SEMA3C: variants seen among roughly 807,000 people sequenced by gnomAD.
SEMA3C encodes semaphorin 3C, also known as semaphorin-3C.
A neutral mutation model predicts 89.4 loss-of-function variants in SEMA3C; 47 were observed. The ratio of observed to expected loss-of-function variants is 0.53; its 90% confidence interval spans 0.42 to 0.67. SEMA3C has a LOEUF of 0.67. Ranked by LOEUF, SEMA3C falls within the 30% of genes least tolerant of loss-of-function variation. The pLI is 0.00. For missense variants in SEMA3C, 839 were observed against 929.1 expected, an observed-to-expected ratio of 0.90 and a Z score of 1.26; for synonymous variants, 310 against 320.2, an observed-to-expected ratio of 0.97 and a Z score of 0.34.
chr7:80,794,369 T>C (rs1262219706), intron 11 of SEMA3C, among the ~76,000 whole-genome samples: 5 of 152,100 alleles, frequency 3.3e-5, no homozygotes, highest in Admixed American at 3.3e-4. Flanking sequence ...TTTTGAATAA[T>C]GATGTGAGAC....
At chr7:80,913,921 C>T (rs1248661597) in intron 2 of SEMA3C, among the ~76,000 whole-genome samples, 5 of 152,142 alleles carry the variant, frequency 3.3e-5, no homozygotes, top group African/African-American at 4.8e-5. Flanking sequence ...GCCTATGATG[C>T]TTATTGCACC....
At chr7:80,797,610 G>A (rs1264665859) in intron 11 of SEMA3C, among the ~76,000 whole-genome samples, 1 of 152,114 alleles carries the variant, frequency 6.6e-6, no homozygotes, top group Non-Finnish European at 1.5e-5. Flanking sequence ...TGAGATATAT[G>A]TAACACAATT....
At chr7:80,898,195 G>A (rs1791785545) in intron 2 of SEMA3C, among the ~76,000 whole-genome samples, 1 of 151,766 alleles carries the variant, frequency 6.6e-6, no homozygotes, top group African/African-American at 2.4e-5. Flanking sequence ...TGAACCCCGC[G>A]TGCCGACGAA....
At chr7:80,868,440 G>C (rs1272060727) in intron 2 of SEMA3C, among the ~76,000 whole-genome samples, 2 of 151,746 alleles carry the variant, frequency 1.3e-5, no homozygotes. Context: ...ACTAATTTTT[G>C]TATTTTTTGG....
intron 17 of SEMA3C, among the ~76,000 whole-genome samples, 176 bp from the exon 18 acceptor site, chr7:80,745,483 T>TG (rs1052672979): frequency 6.6e-6 from 1 of 151,466 alleles, no homozygotes; most frequent in African/African-American, 2.4e-5. Context: ...CTTTTTTTTT[T>TG]TAAACATGGG....
intron 15 of SEMA3C, among the ~76,000 whole-genome samples, chr7:80,757,985 ATAAAAT>A: frequency 6.6e-6 from 1 of 152,138 alleles, no homozygotes; most frequent in Admixed American, 6.5e-5. Context: ...TAAATAATAA[ATAAAAT>A]TAAAAAGATA....
chr7:80,823,624 A>G (rs986233277), intron 4 of SEMA3C, among the ~76,000 whole-genome samples: 2 of 152,088 alleles, frequency 1.3e-5, no homozygotes, highest in South Asian at 2.1e-4. Flanking sequence ...AAAAGAAAAT[A>G]TATTTTTTAG....
intron 17 of SEMA3C, among the ~76,000 whole-genome samples, chr7:80,745,892 T>G (rs1188447368): frequency 2.0e-5 from 3 of 152,138 alleles, no homozygotes; most frequent in Non-Finnish European, 4.4e-5. Context: ...GTCTAAAAAT[T>G]AGCTGGAATG....
At chr7:80,878,968 C>T (rs1021525577) in intron 2 of SEMA3C, among the ~76,000 whole-genome samples, 1 of 151,930 alleles carries the variant, frequency 6.6e-6, no homozygotes, top group Non-Finnish European at 1.5e-5. Flanking sequence ...AACAGTGGCC[C>T]ATGTCAAATG....
chr7:80,917,641 G>A (rs1367048660), intron 1 of SEMA3C, among the ~76,000 whole-genome samples: 2 of 152,176 alleles, frequency 1.3e-5, no homozygotes, highest in Non-Finnish European at 1.5e-5. Flanking sequence ...TCCCAAGGAA[G>A]ACCAGATAAT....
At chr7:80,769,481 CTGACA>C (rs1788377523) in intron 12 of SEMA3C, among the ~76,000 whole-genome samples, 1 of 152,160 alleles carries the variant, frequency 6.6e-6, no homozygotes, top group Non-Finnish European at 1.5e-5. Flanking sequence ...TCCCCATTTT[CTGACA>C]AGGCTCACAA....
rs142299265 is a variant in SEMA3C at position 80,826,230 on chromosome 7, C to T, written c.327+1195G>A. Among the ~76,000 whole-genome samples the T allele has an allele frequency of 6.4e-3, 972 of 152,160 alleles. 10 individuals are homozygous for T. The highest frequency in any genetic ancestry group is 0.021 in the African/African-American group (887 of 41,520). On this transcript the variant is annotated intron_variant, in intron 4 of 17. Transcript: ENST00000265361. Reference sequence around the variant, plus strand: ...ACAGGATTAGTATTTTTCCCATGTTCGGTCTTGTCTGATCCATCTCTACTT... The same window carrying T: ...ACAGGATTAGTATTTTTCCCATGTTTGGTCTTGTCTGATCCATCTCTACTT...
intron 2 of SEMA3C, among the ~76,000 whole-genome samples, chr7:80,865,939 T>C (rs1790916538): frequency 1.3e-5 from 2 of 152,224 alleles, no homozygotes; most frequent in Admixed American, 1.3e-4. Context: ...CCTTACATTA[T>C]AGTTAACAAC....
At position 80,858,212 on chromosome 7, in the gene SEMA3C, G is replaced by A. The variant is rs77698063; in HGVS notation, c.104-29467C>T. On this transcript the variant is annotated intron_variant, in intron 2 of 17. Coordinates refer to ENST00000265361, the MANE Select transcript of SEMA3C (RefSeq NM_006379.5). Reference sequence around the variant, plus strand: ...TTTCAGGTGAGTTTTACAAAAACAGGTACTCTAAACTACTAGATCACAGTT... The same window carrying A: ...TTTCAGGTGAGTTTTACAAAAACAGATACTCTAAACTACTAGATCACAGTT... 3.5e-3 allele frequency among the ~76,000 whole-genome samples: 538 copies of A among 152,172 alleles called. 10 individuals are homozygous for A. Among genetic ancestry groups the A allele is most frequent in the East Asian group, 0.035 (179 of 5,168 alleles).
chr7:80,872,694 G>C (rs1190003672), intron 2 of SEMA3C, among the ~76,000 whole-genome samples: 2 of 149,292 alleles, frequency 1.3e-5, no homozygotes, highest in African/African-American at 2.5e-5. Flanking sequence ...CCAGCTACTT[G>C]AGAAGCTGAG....
intron 3 of SEMA3C, 79 bp from the exon 4 acceptor site, chr7:80,827,566 T>G: frequency 8.6e-7 from 1 of 1,161,124 alleles, no homozygotes; most frequent in South Asian, 1.8e-5. Context: ...TACTTTTTGT[T>G]AACAGATTTA....
chr7:80,787,930 C>G (rs1313331942), intron 12 of SEMA3C, among the ~76,000 whole-genome samples: 1 of 152,046 alleles, frequency 6.6e-6, no homozygotes, highest in East Asian at 1.9e-4. Flanking sequence ...GGATGCCAAC[C>G]TAGGATGCCA....
At chr7:80,749,143 C>T in intron 16 of SEMA3C, 115 bp from the exon 17 acceptor site, 2 of 1,080,908 alleles carry the variant, frequency 1.9e-6, no homozygotes. Flanking sequence ...TTGTGAACAA[C>T]TATCGCAGCC....
chr7:80,814,368 G>T (rs141663873), intron 5 of SEMA3C, among the ~76,000 whole-genome samples: 2 of 152,130 alleles, frequency 1.3e-5, no homozygotes, highest in East Asian at 3.9e-4. Context: ...GATTACAGGC[G>T]TGAGCCACCG....
Sources: gnomAD v4.1 joint callset for allele counts (sites outside exome capture counted in the v4.1 genomes callset) on GRCh38, gnomAD v4.1.1 for gene constraint, MANE v1.5 for transcripts, NCBI Gene and HGNC (gene_info 2026-07-23, HGNC 2026-07-21) for gene names.